CNBD1: variants seen among roughly 807,000 people sequenced by gnomAD.
CNBD1 encodes cyclic nucleotide-binding domain-containing protein 1.
CNBD1 carries 71 observed loss-of-function variants against 54.4 expected under a neutral mutation model. That is an observed-to-expected ratio of 1.30 (90% CI 1.08 to 1.59). The LOEUF is 1.59. CNBD1 is among the 40% of genes most tolerant of loss of function. The probability of loss-of-function intolerance (pLI) is 0.00; values close to 1 mark genes in which losing one functional copy is unlikely to be tolerated. For missense variants in CNBD1, 659 were observed against 518.0 expected, an observed-to-expected ratio of 1.27 and a Z score of -2.64; for synonymous variants, 182 against 170.7, an observed-to-expected ratio of 1.07 and a Z score of -0.51.
chr8:87,278,526 A>C (rs770100736), intron 6 of CNBD1, among the ~76,000 whole-genome samples: 7 of 151,636 alleles, frequency 4.6e-5, no homozygotes, highest in African/African-American at 7.2e-5. Flanking sequence ...ATTCAGGAAA[A>C]AAAGTAACTT....
intron 4 of CNBD1, 145 bp from the exon 5 acceptor site, chr8:87,205,848 A>G (rs1194772968): frequency 1.8e-6 from 1 of 569,706 alleles, no homozygotes; most frequent in Non-Finnish European, 2.7e-6. Context: ...ATTAGTAAGA[A>G]AAAATAGAAT....
chr8:87,353,579 C>T, intron 9 of CNBD1, 57 bp from the exon 10 acceptor site: 1 of 1,134,900 alleles, frequency 8.8e-7, no homozygotes. Flanking sequence ...AAAAACAATA[C>T]TGATTCATTA....
intron 1 of CNBD1, among the ~76,000 whole-genome samples, chr8:86,884,681 T>G (rs1225020254): frequency 2.0e-5 from 3 of 152,222 alleles, no homozygotes; most frequent in African/African-American, 7.2e-5. Flanking sequence ...AGCTTCTTGT[T>G]CAGTACTTCA....
At chr8:87,116,498 G>A (rs563577392) in intron 4 of CNBD1, among the ~76,000 whole-genome samples, 108 of 152,210 alleles carry the variant, frequency 7.1e-4, no homozygotes, top group Non-Finnish European at 1.4e-3. Context: ...ACAGGCATAA[G>A]CCACTGCACC....
intron 6 of CNBD1, among the ~76,000 whole-genome samples, chr8:87,267,940 T>G (rs1808294824): frequency 6.6e-6 from 1 of 152,174 alleles, no homozygotes; most frequent in Admixed American, 6.5e-5. Context: ...TGCTAGTATT[T>G]TTGTTTAGTA....
chr8:86,883,307 A>C (rs960889406), intron 1 of CNBD1, among the ~76,000 whole-genome samples: 51 of 152,124 alleles, frequency 3.4e-4, no homozygotes, highest in African/African-American at 1.2e-3. Flanking sequence ...TTTTGAGTGA[A>C]GTTTTGGTTA....
intron 2 of CNBD1, among the ~76,000 whole-genome samples, chr8:86,899,365 G>A (rs559865880): frequency 6.6e-6 from 1 of 151,892 alleles, no homozygotes; most frequent in African/African-American, 2.4e-5. Flanking sequence ...TGAAATGATG[G>A]ATATGTTAAT....
intron 3 of CNBD1, 28 bp downstream of exon 3, chr8:86,905,222 G>T (rs777852246): frequency 7.8e-7 from 1 of 1,282,382 alleles, no homozygotes; most frequent in Admixed American, 1.8e-5. Context: ...TGAAAGCAAG[G>T]TTGATGGGTG....
intron 8 of CNBD1, among the ~76,000 whole-genome samples, chr8:87,335,813 A>AT (rs1242181743): frequency 6.6e-6 from 1 of 151,978 alleles, no homozygotes; most frequent in Non-Finnish European, 1.5e-5. Flanking sequence ...TGGTCTTTAT[A>AT]TTTTTTGTGT....
intron 4 of CNBD1, among the ~76,000 whole-genome samples, chr8:86,951,811 A>AAAAT (rs1182550977): frequency 6.6e-6 from 1 of 151,986 alleles, no homozygotes; most frequent in Non-Finnish European, 1.5e-5. Context: ...AAAAGAAAAA[A>AAAAT]AAATCTTGGG....
chr8:86,911,519 TTTATA>T (rs1809099610), intron 3 of CNBD1, among the ~76,000 whole-genome samples: 1 of 152,216 alleles, frequency 6.6e-6, no homozygotes. Flanking sequence ...TTTTGATAAA[TTTATA>T]TTGTGTATAA....
chr8:87,362,226 G>A (rs1437398668), intron 10 of CNBD1, among the ~76,000 whole-genome samples: 4 of 152,038 alleles, frequency 2.6e-5, no homozygotes, highest in Non-Finnish European at 4.4e-5. Context: ...TTTGGTTTTG[G>A]TGAAGATGAT....
intron 5 of CNBD1, among the ~76,000 whole-genome samples, chr8:87,231,800 A>C (rs1175803129): frequency 6.6e-6 from 1 of 152,150 alleles, no homozygotes; most frequent in Non-Finnish European, 1.5e-5. Flanking sequence ...AGTGATGTGC[A>C]TATGTATACC....
chr8:87,247,884 C>T (rs1468037564), intron 6 of CNBD1, among the ~76,000 whole-genome samples: 1 of 152,174 alleles, frequency 6.6e-6, no homozygotes, highest in African/African-American at 2.4e-5. Context: ...CATTTTTCAG[C>T]TAGCCACAAT....
At chr8:87,324,235 G>T (rs959246301) in intron 8 of CNBD1, among the ~76,000 whole-genome samples, 2 of 127,680 alleles carry the variant, frequency 1.6e-5, no homozygotes, top group Non-Finnish European at 3.5e-5. Context: ...TTGCATCAAT[G>T]TTCATCAAGG....
chr8:87,176,554 G>T (rs555938297), intron 4 of CNBD1, among the ~76,000 whole-genome samples: 242 of 150,560 alleles, frequency 1.6e-3, no homozygotes, highest in African/African-American at 5.7e-3. Flanking sequence ...CACAATCTCG[G>T]CTCACTGCAA....
chr8:87,422,189 G>C (rs1807951632), intron 2 of CNBD1, among the ~76,000 whole-genome samples: 2 of 146,406 alleles, frequency 1.4e-5, no homozygotes, highest in East Asian at 2.0e-4. Flanking sequence ...TTTGTCAGAT[G>C]AGTAGGTTGC....
At chr8:86,995,222 A>G (rs1220323003) in intron 4 of CNBD1, among the ~76,000 whole-genome samples, 1 of 152,208 alleles carries the variant, frequency 6.6e-6, no homozygotes, top group East Asian at 1.9e-4. Flanking sequence ...ATAAGAATAC[A>G]TAAATATTTA....
At chr8:87,390,470 G>A (rs1050059362) in intron 2 of CNBD1, among the ~76,000 whole-genome samples, 20 of 152,168 alleles carry the variant, frequency 1.3e-4, no homozygotes, top group Non-Finnish European at 1.8e-4. Flanking sequence ...CATTTATGCA[G>A]CCAAAAGAAA....
Sources: gnomAD v4.1 joint callset for allele counts (sites outside exome capture counted in the v4.1 genomes callset) on GRCh38, gnomAD v4.1.1 for gene constraint, MANE v1.5 for transcripts, NCBI Gene and HGNC (gene_info 2026-07-23, HGNC 2026-07-21) for gene names.